Variants in CSMD1 observed in about 807,000 individuals in gnomAD.
The protein encoded by CSMD1 is CUB and Sushi multiple domains 1, also known as CUB and sushi domain-containing protein 1.
In CSMD1, 213 loss-of-function variants were observed where a neutral mutation model predicts 417.5. The ratio of observed to expected loss-of-function variants is 0.51; its 90% CI spans 0.46 to 0.57. The LOEUF is 0.57. Ranked by LOEUF, CSMD1 falls within the 20% of genes least tolerant of loss-of-function variation. CSMD1 has a pLI of 0.00. For missense variants in CSMD1, 6,923 were observed against 4,529.7 expected (o/e 1.53, Z -15.17); for synonymous variants, 2,862 against 1,736.8 (o/e 1.65, Z -16.11).
chr8:3,607,605 C>G (rs956915350), intron 8 of CSMD1, among the ~76,000 whole-genome samples: 1 of 152,168 alleles, frequency 6.6e-6, no homozygotes, highest in African/African-American at 2.4e-5. Context: ...CAATGGAAAT[C>G]TTTCAGCTCC....
chr8:4,386,760 T>A (rs1430876336), intron 3 of CSMD1, among the ~76,000 whole-genome samples: 13 of 152,092 alleles, frequency 8.5e-5, no homozygotes, highest in Non-Finnish European at 1.5e-4. Flanking sequence ...TAATTAGGGG[T>A]AGAAACAGTT....
intron 5 of CSMD1, among the ~76,000 whole-genome samples, chr8:3,756,099 C>A (rs1252556182): frequency 1.3e-5 from 2 of 151,918 alleles, no homozygotes; most frequent in Non-Finnish European, 2.9e-5. Context: ...GCTCACACCT[C>A]TAATCCCAGC....
At chr8:4,438,511 C>A (rs928932079) in intron 2 of CSMD1, among the ~76,000 whole-genome samples, 5 of 152,202 alleles carry the variant, frequency 3.3e-5, no homozygotes, top group African/African-American at 1.2e-4. Flanking sequence ...TAGGAAGATG[C>A]AGGTGGAAGT....
chr8:2,964,283 G>C (rs1157799059), intron 59 of CSMD1, among the ~76,000 whole-genome samples: 1 of 152,186 alleles, frequency 6.6e-6, no homozygotes, highest in African/African-American at 2.4e-5. Context: ...ACACCCAAAA[G>C]TTGGAAATGG....
intron 27 of CSMD1, among the ~76,000 whole-genome samples, chr8:3,227,248 A>G (rs538541906): frequency 7.2e-5 from 11 of 152,202 alleles, no homozygotes; most frequent in African/African-American, 2.6e-4. Context: ...AAAATACAAA[A>G]AAATTAGCCG....
intron 1 of CSMD1, among the ~76,000 whole-genome samples, chr8:4,949,609 GC>G (rs1563845331): frequency 6.6e-6 from 1 of 152,132 alleles, no homozygotes; most frequent in African/African-American, 2.4e-5. Context: ...CCAGTCAATT[GC>G]CCTTCCACAT....
At chr8:3,652,392 A>G (rs960991280) in intron 7 of CSMD1, among the ~76,000 whole-genome samples, 2 of 152,186 alleles carry the variant, frequency 1.3e-5, no homozygotes, top group African/African-American at 4.8e-5. Context: ...GCACCATCAC[A>G]AATACGTTGA....
At chr8:4,705,087 A>G (rs1334275156) in intron 1 of CSMD1, among the ~76,000 whole-genome samples, 2 of 152,062 alleles carry the variant, frequency 1.3e-5, no homozygotes, top group Non-Finnish European at 2.9e-5. Flanking sequence ...TGATGGTTTT[A>G]TAAGTGTTTG....
chr8:3,451,259 G>T (rs1317723871), intron 12 of CSMD1, among the ~76,000 whole-genome samples: 2 of 152,180 alleles, frequency 1.3e-5, no homozygotes, highest in Admixed American at 1.3e-4. Flanking sequence ...CTGCCACTCT[G>T]TAGGATGCCT....
intron 5 of CSMD1, among the ~76,000 whole-genome samples, chr8:3,801,807 G>C (rs1203793857): frequency 6.6e-6 from 1 of 152,024 alleles, no homozygotes; most frequent in Non-Finnish European, 1.5e-5. Context: ...AATCAACAAA[G>C]TACTAAGGTA....
intron 10 of CSMD1, among the ~76,000 whole-genome samples, chr8:3,495,955 G>C (rs561627096): frequency 6.6e-6 from 1 of 152,002 alleles, no homozygotes; most frequent in African/African-American, 2.4e-5. Context: ...TGCAGGTTTG[G>C]GACATAGGTA....
intron 51 of CSMD1, among the ~76,000 whole-genome samples, chr8:3,018,871 C>T (rs1384839722): frequency 6.6e-6 from 1 of 152,126 alleles, no homozygotes; most frequent in South Asian, 2.1e-4. Context: ...AACCTAAAAG[C>T]TTAACGTGGA....
chr8:3,406,764 CT>C (rs551743308), intron 14 of CSMD1, among the ~76,000 whole-genome samples: 6 of 152,164 alleles, frequency 3.9e-5, no homozygotes, highest in Non-Finnish European at 1.5e-5. Flanking sequence ...TGTAGTATTA[CT>C]CATATTAATA....
Position 4,265,819 on chromosome 8 carries a change from T to G in CSMD1, c.415+154134A>C, listed in dbSNP as rs150421940. Among the ~76,000 whole-genome samples, 2 of 105,064 alleles carry G rather than the reference T, an allele frequency of 1.9e-5. 1 individual carries two copies. The highest frequency in any genetic ancestry group is 5.2e-5 in the African/African-American group (2 of 38,418). The allele number at this position is 105,064 out of a possible 152,430, so 68.9% of individuals were successfully genotyped here. A position where few individuals can be genotyped will look rare whatever the true frequency, so the allele number is the denominator to read the frequency against. On this transcript the variant is annotated intron_variant, in intron 3 of 69. Coordinates refer to ENST00000635120, the MANE Select transcript of CSMD1 (RefSeq NM_033225.6). ...CTTTTATAAACTCTCACCATTTACC[T>G]ATCAACTTGGTTACCCTAAAAGCCA...
At chr8:4,319,633 C>T (rs965178384) in intron 3 of CSMD1, among the ~76,000 whole-genome samples, 7 of 152,058 alleles carry the variant, frequency 4.6e-5, no homozygotes, top group Admixed American at 3.3e-4. Context: ...GGGTGAATTA[C>T]TTACCCAGTT....
At chr8:4,732,341 C>CTGTGTGTG (rs1809941426) in intron 1 of CSMD1, among the ~76,000 whole-genome samples, 1 of 73,330 alleles carries the variant, frequency 1.4e-5, no homozygotes. Context: ...TAAATTTCTT[C>CTGTGTGTG]TGCGTGTGTG....
At chr8:4,935,156 G>C (rs895495194) in intron 1 of CSMD1, among the ~76,000 whole-genome samples, 13 of 152,174 alleles carry the variant, frequency 8.5e-5, no homozygotes, top group African/African-American at 2.9e-4. Context: ...TCACAGGTGA[G>C]GATTTTAAAT....
chr8:3,565,894 C>T (rs1014774553), intron 10 of CSMD1, among the ~76,000 whole-genome samples: 2 of 152,064 alleles, frequency 1.3e-5, no homozygotes, highest in African/African-American at 4.8e-5. Flanking sequence ...TAGAATAAGG[C>T]TCTAGATTTT....
chr8:4,044,145 A>G (rs576546956), intron 3 of CSMD1, among the ~76,000 whole-genome samples: 1 of 152,320 alleles, frequency 6.6e-6, no homozygotes, highest in South Asian at 2.1e-4. Context: ...TCTTAACAGT[A>G]AGAAAGAAGA....
Sources: allele counts gnomAD v4.1 joint callset (sites outside exome capture counted in the v4.1 genomes callset), GRCh38; gene constraint gnomAD v4.1.1; transcripts MANE v1.5; gene names NCBI Gene and HGNC (gene_info 2026-07-23, HGNC 2026-07-21).